The following BEGAIN variants were observed in gnomAD, a reference collection of about 807,000 sequenced individuals.
The protein encoded by BEGAIN is brain enriched guanylate kinase associated.
A neutral mutation model predicts 35.8 loss-of-function variants in BEGAIN; 19 were observed. That is an observed-to-expected ratio of 0.53 (90% CI 0.37 to 0.78). The LOEUF (loss-of-function observed/expected upper bound fraction) is 0.78, where lower values mean the gene tolerates loss of function less well. BEGAIN is among the 30% of genes least tolerant of loss of function. The probability of loss-of-function intolerance (pLI) is 0.00; values close to 1 mark genes in which losing one functional copy is unlikely to be tolerated. For missense variants in BEGAIN, 795 were observed against 853.6 expected (o/e 0.93, Z 0.85); for synonymous variants, 462 against 388.6 (o/e 1.19, Z -2.22).
intron 2 of BEGAIN, among the ~76,000 whole-genome samples, chr14:100,557,947 C>T (rs2033903652): frequency 1.3e-5 from 2 of 152,110 alleles, no homozygotes; most frequent in South Asian, 2.1e-4. Flanking sequence ...GCATCTGCCC[C>T]GACACCCGGT....
intron 1 of BEGAIN, among the ~76,000 whole-genome samples, chr14:100,574,508 C>T (rs2035160035): frequency 6.7e-6 from 1 of 148,160 alleles, no homozygotes; most frequent in South Asian, 2.1e-4. Flanking sequence ...TGTATTTGGC[C>T]TGCACAAAGG....
intron 1 of BEGAIN, chr14:100,577,766 G>A (rs116963898): frequency 2.5e-6 from 1 of 399,154 alleles, no homozygotes; most frequent in Non-Finnish European, 4.4e-6. Flanking sequence ...GCTGCCCAGC[G>A]GTGGCAAGAT....
At chr14:100,560,670 G>A (rs1159551705) in intron 2 of BEGAIN, among the ~76,000 whole-genome samples, 2 of 152,224 alleles carry the variant, frequency 1.3e-5, no homozygotes, top group Non-Finnish European at 2.9e-5. Context: ...CATGGCACTG[G>A]CCACTTCCTG....
Position 100,538,184 on chromosome 14 carries a change from T to C in BEGAIN, c.1624A>G (p.Arg542Gly). ...YAPSEGGDGD[R>G]LGVQLCGTAS... ...GTCCCACACAGCTGCACCCCGAGCC[T>C]GTCCCCGTCCCCCCCCTCGCTGGGT... Residue 542 changes from arginine to glycine, a missense_variant, in exon 7 of 7, where the codon AGG (arginine) becomes GGG (glycine). Coordinates refer to ENST00000554140, the MANE Select transcript of BEGAIN (RefSeq NM_001385089.1). 1 of 1,543,226 alleles carries C rather than the reference T, an allele frequency of 6.5e-7. No homozygotes were observed. The highest frequency in any genetic ancestry group is 8.7e-7 in the Non-Finnish European group (1 of 1,148,422).
chr14:100,581,105 C>T (rs907215347), intron 1 of BEGAIN, among the ~76,000 whole-genome samples: 3 of 152,282 alleles, frequency 2.0e-5, no homozygotes, highest in East Asian at 1.9e-4. Context: ...AACAGGCCTG[C>T]GGGCAAGCCA....
chr14:100,567,765 A>G lies in BEGAIN; in HGVS notation c.71+146T>C. On this transcript the variant is annotated intron_variant, in intron 2 of 6. Coordinates refer to ENST00000554140, the MANE Select transcript of BEGAIN (RefSeq NM_001385089.1). The surrounding 1 kb of genome is among the most constrained non-coding windows in gnomAD (Gnocchi z 5.1). ...CGCGGCGCGCACACACGCACCACAC[A>G]CACGCACCTGGCCCGCAGCCCCGCC... 1 of 701,778 alleles carries G rather than the reference A, an allele frequency of 1.4e-6. No homozygotes were observed. The highest frequency in any genetic ancestry group is 2.0e-6 in the Non-Finnish European group (1 of 506,474). 43.5% of individuals were successfully genotyped at this position (701,778 alleles called of 1,614,324 possible).
intron 6 of BEGAIN, 131 bp from the exon 7 acceptor site, chr14:100,539,446 G>A (rs1053611127): frequency 2.1e-5 from 30 of 1,421,708 alleles, no homozygotes; most frequent in Admixed American, 3.0e-5. Context: ...GGGGCCTCCC[G>A]GCTTCTCAAA....
rs796633527 is a variant in BEGAIN at position 100,558,447 on chromosome 14, G to A, written c.71+9464C>T. Among the ~76,000 whole-genome samples, 12 of 152,260 alleles carry A rather than the reference G, an allele frequency of 7.9e-5. No individual in the cohort carries two copies. Among genetic ancestry groups the A allele is most frequent in the African/African-American group, 2.9e-4 (12 of 41,536 alleles). On this transcript the variant is annotated intron_variant, in intron 2 of 6. Coordinates refer to ENST00000554140, the MANE Select transcript of BEGAIN (RefSeq NM_001385089.1). This position sits in a 1 kb window ranked among gnomAD's most constrained non-coding sequence, Gnocchi z 4.6. ...CATCTCCTGGCCTCCTGGCACCAGCGTGTCCCGGGGATCTGGCCTCCGGCA... is the reference window on the plus strand; with the variant it reads ...CATCTCCTGGCCTCCTGGCACCAGCATGTCCCGGGGATCTGGCCTCCGGCA...
At chr14:100,556,930 C>G (rs2033779834) in intron 2 of BEGAIN, among the ~76,000 whole-genome samples, 1 of 152,238 alleles carries the variant, frequency 6.6e-6, no homozygotes, top group Non-Finnish European at 1.5e-5. Context: ...CCGCTGCTGT[C>G]CCCACTGATC....
chr14:100,558,776 C>T lies in BEGAIN; in HGVS notation c.71+9135G>A, dbSNP rs1268740983. Among the ~76,000 whole-genome samples, 1 of 152,248 alleles carries T rather than the reference C, an allele frequency of 6.6e-6. No individual in the cohort carries two copies. The highest frequency in any genetic ancestry group is 2.4e-5 in the African/African-American group (1 of 41,468). ...TTCTAGGACCACCCACCACACCAGG[C>T]CCACTCCTTTCAAGTGACTGCCGCA... On this transcript the variant is annotated intron_variant, in intron 2 of 6. Transcript: ENST00000554140. This position sits in a 1 kb window ranked among gnomAD's most constrained non-coding sequence, Gnocchi z 4.6.
At chr14:100,576,497 C>T (rs1468462144) in intron 1 of BEGAIN, among the ~76,000 whole-genome samples, 2 of 152,242 alleles carry the variant, frequency 1.3e-5, no homozygotes, top group Non-Finnish European at 2.9e-5. Context: ...AATTCATCCT[C>T]AGAACAGACC....
intron 1 of BEGAIN, among the ~76,000 whole-genome samples, chr14:100,574,649 G>A (rs766504489): frequency 1.3e-5 from 2 of 151,884 alleles, no homozygotes; most frequent in Non-Finnish European, 2.9e-5. Context: ...ACATTCCCAC[G>A]TGGCAACAGT....
Position 100,538,902 on chromosome 14 carries a change from C to T in BEGAIN, c.906G>A (p.Gln302=), listed in dbSNP as rs192426526. 105 of 1,607,492 alleles carry T rather than the reference C, an allele frequency of 6.5e-5. No individual in the cohort carries two copies. In the East Asian group the frequency reaches 1.6e-3, roughly 24 times the overall value. ...CTGCGTAGCTGGGGAAGGCCTCATG[C>T]TGGAAGCCCGCCGGGAAGGCCGCCG... The part of the protein sequence containing the change: ...AEAAAFPAGF[Q]HEAFPSYAGS... The change falls in exon 7 of 7, where the codon CAG becomes CAA. Residue 302 remains glutamine, a synonymous_variant. Coordinates refer to ENST00000554140, the MANE Select transcript of BEGAIN (RefSeq NM_001385089.1).
At chr14:100,546,342 C>T (rs1330461653) in intron 3 of BEGAIN, 159 bp downstream of exon 3, 1 of 409,968 alleles carries the variant, frequency 2.4e-6, no homozygotes, top group Non-Finnish European at 3.7e-6. Flanking sequence ...CTGCCCCACC[C>T]CGGCCCTCGC....
intron 3 of BEGAIN, 111 bp downstream of exon 3, chr14:100,546,383 TCGCCCCG>T (rs2032413362): frequency 6.7e-5 from 1 of 14,954 alleles, no homozygotes; most frequent in African/African-American, 3.3e-4. Context: ...GCCCCGGCCC[TCGCCCCG>T]CCCCGGCCCT....
chr14:100,547,397 G>A (rs971340960), intron 2 of BEGAIN: 2 of 152,252 alleles, frequency 1.3e-5, no homozygotes, highest in Non-Finnish European at 2.9e-5. Flanking sequence ...CCAGAATGGG[G>A]TCTCCTGGAG....
chr14:100,562,567 C>T (rs1033888047), intron 2 of BEGAIN, among the ~76,000 whole-genome samples: 2 of 148,790 alleles, frequency 1.3e-5, no homozygotes, highest in African/African-American at 4.9e-5. Context: ...CACCCCATGT[C>T]ACCCCCATCA....
At position 100,568,217 on chromosome 14, in the gene BEGAIN, A is replaced by T. The variant is rs1257890050; in HGVS notation, c.43-278T>A. On this transcript the variant is annotated intron_variant, in intron 1 of 6. Coordinates refer to ENST00000554140, the MANE Select transcript of BEGAIN (RefSeq NM_001385089.1). This position sits in a 1 kb window ranked among gnomAD's most constrained non-coding sequence, Gnocchi z 7.5. ...GGGGCGAAGAAGGGGCCGGCCCGGG[A>T]TGGCCCGGCCAGGGGCGATCTCGGC... 4.7e-6 allele frequency: 3 copies of T among 644,576 alleles called. No individual in the cohort carries two copies. The highest frequency in any genetic ancestry group is 6.0e-6 in the Non-Finnish European group (3 of 501,970). The allele number at this position is 644,576 out of a possible 1,614,324, so 39.9% of individuals were successfully genotyped here. A position where few individuals can be genotyped will look rare whatever the true frequency, so the allele number is the denominator to read the frequency against.
chr14:100,581,846 G>A (rs764408026), intron 1 of BEGAIN, among the ~76,000 whole-genome samples: 2 of 152,268 alleles, frequency 1.3e-5, no homozygotes, highest in African/African-American at 2.4e-5. Flanking sequence ...CTGTCTGCTG[G>A]GATTGGAGCA....
Sources: gnomAD v4.1 joint callset for allele counts (sites outside exome capture counted in the v4.1 genomes callset) on GRCh38, gnomAD v4.1.1 for gene constraint, Gnocchi (gnomAD v3.1) non-coding constraint, MANE v1.5 for transcripts, NCBI Gene and HGNC (gene_info 2026-07-23, HGNC 2026-07-21) for gene names.